The following YAF2 variants were observed in gnomAD, a reference collection of about 807,000 sequenced individuals.
YAF2 encodes the protein YY1 associated factor 2.
In YAF2, 7 loss-of-function variants were observed where a neutral mutation model predicts 20.1. The observed-to-expected ratio is 0.35, with a 90% CI of 0.20 to 0.65. The LOEUF (loss-of-function observed/expected upper bound fraction) is 0.65. Among genes scored for constraint, YAF2 ranks in the 30% least tolerant of loss-of-function variants. The pLI, the probability that YAF2 is intolerant of heterozygous loss-of-function variation, is 0.69. For synonymous variants in YAF2, 74 were observed against 76.0 expected (o/e 0.97, Z 0.14); for missense variants, 151 against 219.2 (o/e 0.69, Z 1.96).
chr12:42,222,194 G>A (rs1223785433), intron 2 of YAF2, among the ~76,000 whole-genome samples: 1 of 151,994 alleles, frequency 6.6e-6, no homozygotes, highest in African/African-American at 2.4e-5. Flanking sequence ...ATTATTCCAA[G>A]CTATAAAGAT....
At chr12:42,215,662 C>T (rs978797431) in intron 2 of YAF2, among the ~76,000 whole-genome samples, 3 of 152,140 alleles carry the variant, frequency 2.0e-5, no homozygotes, top group African/African-American at 4.8e-5. Context: ...GTGGCTCACA[C>T]CTATAATCCC....
At chr12:42,210,695 A>C in intron 2 of YAF2, 2 of 1,527,048 alleles carry the variant, frequency 1.3e-6, no homozygotes, top group Non-Finnish European at 1.8e-6. Context: ...CAGAATAAGA[A>C]GATTATTTCA....
intron 2 of YAF2, among the ~76,000 whole-genome samples, chr12:42,218,901 G>T (rs80029282): frequency 6.6e-6 from 1 of 151,844 alleles, no homozygotes; most frequent in Non-Finnish European, 1.5e-5. Flanking sequence ...AGGAGGGAGA[G>T]AGAAAGGGCT....
chr12:42,181,444 G>A (rs2066339449), intron 2 of YAF2, among the ~76,000 whole-genome samples: 1 of 152,142 alleles, frequency 6.6e-6, no homozygotes, highest in African/African-American at 2.4e-5. Flanking sequence ...AGCCAGAGCT[G>A]TTACTTCTTG....
chr12:42,199,301 G>C (rs1442078017), intron 2 of YAF2: 1 of 875,664 alleles, frequency 1.1e-6, no homozygotes, highest in East Asian at 7.2e-5. Flanking sequence ...TTGACCAATA[G>C]TTTAAATCCA....
intron 2 of YAF2, among the ~76,000 whole-genome samples, chr12:42,196,247 A>G (rs2066749993): frequency 6.6e-6 from 1 of 151,348 alleles, no homozygotes. Flanking sequence ...AAAAAAAAAA[A>G]AAAAGAGCGG....
rs145860938 is a variant in YAF2 at position 42,237,705 on chromosome 12, G to A, written c.46C>T (p.Pro16Ser). The A allele has an allele frequency of 6.4e-7, 1 of 1,565,552 alleles. No homozygotes were observed. The highest frequency in any genetic ancestry group is 1.4e-5 in the African/African-American group (1 of 71,258). ...SPTRPKRQPK[P>S]SSDEGYWDCS... The stretch of plus-strand genomic sequence containing the variant: ...TCCCAGTAACCCTCATCCGAGGACG[G>A]CTTCGGCTGCCGCTTCGGCCTGCAG... The change falls in exon 2 of 4, where the codon CCG becomes TCG. Residue 16 changes from proline to serine, a missense_variant. Pro to Ser is a moderately conservative substitution (Grantham distance 74). Around this residue, in one of 3 missense-constraint regions of YAF2, gnomAD observed 50 missense variants for 58.3 expected, o/e 0.86. Coordinates refer to ENST00000534854, the MANE Select transcript of YAF2 (RefSeq NM_005748.6).
chr12:42,159,185 T>C lies in YAF2; in HGVS notation c.*1404A>G, dbSNP rs562037993. On this transcript the variant is annotated 3_prime_UTR_variant, in exon 4 of 4. Transcript: ENST00000534854. ...TACATTACCACATGAAACCACCAAA[T>C]ATCACAACTGTTAGGGTCTACAGTT... is the stretch of plus-strand genomic sequence containing the variant. The C allele has an allele frequency of 6.6e-5, 10 of 152,258 alleles. No individual in the cohort carries two copies. Among genetic ancestry groups the C allele is most frequent in the African/African-American group, 1.7e-4 (7 of 41,584 alleles). The allele number at this position is 152,258 out of a possible 1,614,324, so 9.4% of individuals were successfully genotyped here.
chr12:42,211,494 T>C (rs1175439696), intron 2 of YAF2, among the ~76,000 whole-genome samples: 3 of 150,978 alleles, frequency 2.0e-5, no homozygotes, highest in African/African-American at 7.3e-5. Context: ...CCCAACACTT[T>C]TGGAGGCCAA....
chr12:42,189,601 T>C (rs752994271), intron 2 of YAF2, among the ~76,000 whole-genome samples: 1 of 152,194 alleles, frequency 6.6e-6, no homozygotes, highest in Non-Finnish European at 1.5e-5. Context: ...TGACTGTGCA[T>C]AGGTACACAC....
At chr12:42,227,784 C>T (rs1337062384) in intron 2 of YAF2, among the ~76,000 whole-genome samples, 6 of 147,694 alleles carry the variant, frequency 4.1e-5, no homozygotes, top group African/African-American at 7.5e-5. Flanking sequence ...GCGTGCTGTC[C>T]GGGAGGGAGG....
Position 42,238,206 on chromosome 12 carries a change from A to C in YAF2, c.-26T>G, listed in dbSNP as rs1284862686. Reference sequence around the variant, plus strand: ...GGCTTGGCTATCACCGCACGCCGAGAGTCGCCGCCGCGACCGCTCTGTTTG... The same window carrying C: ...GGCTTGGCTATCACCGCACGCCGAGCGTCGCCGCCGCGACCGCTCTGTTTG... On this transcript the variant is annotated 5_prime_UTR_variant, in exon 1 of 4. Transcript: ENST00000534854. 2 of 1,402,652 alleles carry C rather than the reference A, an allele frequency of 1.4e-6. No individual in the cohort carries two copies. The highest frequency in any genetic ancestry group is 1.9e-6 in the Non-Finnish European group (2 of 1,060,146). 86.9% of individuals were successfully genotyped at this position (1,402,652 alleles called of 1,614,324 possible).
At chr12:42,195,073 C>A (rs780470180) in intron 2 of YAF2, among the ~76,000 whole-genome samples, 2 of 152,048 alleles carry the variant, frequency 1.3e-5, no homozygotes, top group African/African-American at 4.8e-5. Flanking sequence ...TACAGTTCAG[C>A]GTGAGAAACA....
At chr12:42,170,217 T>C (rs1181645481) in intron 2 of YAF2, among the ~76,000 whole-genome samples, 1 of 152,232 alleles carries the variant, frequency 6.6e-6, no homozygotes, top group Admixed American at 6.5e-5. Context: ...TACACCATAA[T>C]TGTAGGTATG....
chr12:42,232,576 A>C, intron 2 of YAF2: 1 of 985,466 alleles, frequency 1.0e-6, no homozygotes, highest in Non-Finnish European at 1.2e-6. Flanking sequence ...AAGGCTCCTC[A>C]GATAGACAGG....
intron 2 of YAF2, among the ~76,000 whole-genome samples, chr12:42,218,107 C>T (rs1380837299): frequency 6.6e-6 from 1 of 151,276 alleles, no homozygotes; most frequent in African/African-American, 2.4e-5. Context: ...TATTACACTA[C>T]CAGAGTACTT....
chr12:42,236,633 G>C (rs762993704), intron 2 of YAF2, among the ~76,000 whole-genome samples: 7 of 152,094 alleles, frequency 4.6e-5, no homozygotes, highest in African/African-American at 7.2e-5. Flanking sequence ...ATTTGTATAT[G>C]TCAATATTAC....
intron 2 of YAF2, among the ~76,000 whole-genome samples, chr12:42,180,279 T>C (rs953047885): frequency 6.6e-6 from 1 of 152,142 alleles, no homozygotes; most frequent in Non-Finnish European, 1.5e-5. Flanking sequence ...ACCCTCACTC[T>C]CTCCCCTTGT....
chr12:42,205,497 C>A (rs1291264551), intron 2 of YAF2, among the ~76,000 whole-genome samples: 5 of 152,050 alleles, frequency 3.3e-5, no homozygotes, highest in Non-Finnish European at 7.4e-5. Context: ...GCCTCAGCCT[C>A]CTGAGTAGCT....
Sources: gnomAD v4.1 joint callset for allele counts (sites outside exome capture counted in the v4.1 genomes callset) on GRCh38, gnomAD v4.1.1 for gene constraint, gnomAD v4.1.1 regional missense constraint, MANE v1.5 for transcripts, NCBI Gene and HGNC (gene_info 2026-07-23, HGNC 2026-07-21) for gene names.